NCOR2: variants seen among roughly 807,000 people sequenced by gnomAD.
NCOR2 encodes CTG repeat protein 26.
Under a neutral mutation model 262.9 loss-of-function variants are expected in NCOR2, and 81 were observed. The observed-to-expected ratio is 0.31, with a 90% confidence interval of 0.26 to 0.37. The LOEUF (loss-of-function observed/expected upper bound fraction) is 0.37. Ranked by LOEUF, NCOR2 falls within the 10% of genes least tolerant of loss-of-function variation. NCOR2 has a pLI of 1.00. For missense variants in NCOR2, 3,385 were observed against 3,621.4 expected (o/e 0.93, Z 1.68); for synonymous variants, 1,659 against 1,559.3 (o/e 1.06, Z -1.51).
exon 34 of NCOR2, chr12:124,342,030 A>T: frequency 6.2e-7 from 1 of 1,612,234 alleles, no homozygotes; most frequent in Non-Finnish European, 8.5e-7. Context: ...AGGTGCGGGT[A>T]GGTGGGGTTG....
intron 1 of NCOR2, among the ~76,000 whole-genome samples, chr12:124,529,008 C>T (rs982477623): frequency 1.3e-5 from 2 of 152,008 alleles, no homozygotes; most frequent in African/African-American, 4.8e-5. Context: ...AGAGAAACCC[C>T]GTCTCTACTA....
At chr12:124,515,498 AG>A (rs766962833) in intron 1 of NCOR2, among the ~76,000 whole-genome samples, 5 of 152,174 alleles carry the variant, frequency 3.3e-5, no homozygotes, top group Non-Finnish European at 7.3e-5. Context: ...TATCATAACT[AG>A]GAAGGCAGCA....
exon 11 of NCOR2, chr12:124,426,753 C>T: frequency 6.2e-7 from 1 of 1,604,346 alleles, no homozygotes; most frequent in Non-Finnish European, 8.5e-7. Flanking sequence ...CAGCGTCGTA[C>T]AGCATGGGCG....
At chr12:124,363,752 C>G (rs756016942) in exon 21 of NCOR2, 2 of 1,386,190 alleles carry the variant, frequency 1.4e-6, no homozygotes, top group Admixed American at 5.6e-5. Context: ...GGCATTGGCC[C>G]GGGGGTCGCC....
intron 31 of NCOR2, 125 bp from the exon 34 acceptor site, chr12:124,345,076 A>G: frequency 1.1e-6 from 1 of 871,534 alleles, no homozygotes; most frequent in Non-Finnish European, 1.7e-6. Flanking sequence ...ATGCCTCCAG[A>G]GGCAGGGAGA....
At chr12:124,563,863 C>T (rs1001171307) in intron 1 of NCOR2, among the ~76,000 whole-genome samples, 2 of 152,220 alleles carry the variant, frequency 1.3e-5, no homozygotes, top group Admixed American at 6.5e-5. Context: ...ATATCCTCTA[C>T]GGCAGCTTTG....
chr12:124,336,486 A>T, intron 38 of NCOR2: 1 of 669,102 alleles, frequency 1.5e-6, no homozygotes, highest in Non-Finnish European at 2.1e-6. Context: ...CGGCCGGAGT[A>T]GTCGTCAGCG....
At position 124,457,328 on chromosome 12, in the gene NCOR2, T is replaced by A. The variant is rs1243518283; in HGVS notation, c.706-166A>T. Among the ~76,000 whole-genome samples, 5 of 150,346 alleles carry A rather than the reference T, an allele frequency of 3.3e-5. No homozygotes were observed. The highest frequency in any genetic ancestry group is 3.0e-5 in the Non-Finnish European group (2 of 67,566). On this transcript the variant is annotated intron_variant, in intron 5 of 46. Coordinates refer to ENST00000405201, the Ensembl canonical transcript of NCOR2. The surrounding 1 kb of genome is among the most constrained non-coding windows in gnomAD (Gnocchi z 4.0). Reference sequence around the variant, plus strand: ...GGCCCCCTGCAGGCCCTCCCCACGCTGGAAAAAAACACAGAGGAGCCTCAA... The same window carrying A: ...GGCCCCCTGCAGGCCCTCCCCACGCAGGAAAAAAACACAGAGGAGCCTCAA...
In NCOR2 at chr12:124,368,347, C is replaced by T. The variant is rs115429921; in HGVS notation, c.2807+3675G>A. ...ACATGCTGGGCCTGCAACAGTACAT[C>T]CCCTCTCCACCCAGCCCTTGCCTCA... On this transcript the variant is annotated intron_variant, in intron 20 of 46. Coordinates refer to ENST00000405201, the Ensembl canonical transcript of NCOR2. 5.9e-3 allele frequency among the ~76,000 whole-genome samples: 902 copies of T among 152,286 alleles called. 10 individuals are homozygous for T. The highest frequency in any genetic ancestry group is 0.021 in the African/African-American group (863 of 41,544).
Position 124,495,022 on chromosome 12 carries a change from T to C in NCOR2, c.105+125A>G. 1 of 1,231,928 alleles carries C rather than the reference T, an allele frequency of 8.1e-7. No individual in the cohort carries two copies. The highest frequency in any genetic ancestry group is 1.5e-5 in the South Asian group (1 of 67,694). The allele number at this position is 1,231,928 out of a possible 1,614,324, so 76.3% of individuals were successfully genotyped here. A position where few individuals can be genotyped will look rare whatever the true frequency, so the allele number is the denominator to read the frequency against. On this transcript the variant is annotated intron_variant, in intron 1 of 46. Transcript: ENST00000405201. This position sits in a 1 kb window ranked among gnomAD's most constrained non-coding sequence, Gnocchi z 4.4. ...CAGGGGTCTCTGTGGCGGCCTCCCC[T>C]CTGCCCTGGGAGGCTCAGAGCCACA...
intron 1 of NCOR2, among the ~76,000 whole-genome samples, chr12:124,529,092 T>C (rs1269909663): frequency 2.7e-5 from 4 of 146,500 alleles, no homozygotes; most frequent in African/African-American, 1.0e-4. Flanking sequence ...GGCAGGAGAA[T>C]TGCTTGAACC....
rs547922852 is a variant in NCOR2 at position 124,386,969 on chromosome 12, C to T, written c.1877-1082G>A. Among the ~76,000 whole-genome samples the T allele has an allele frequency of 2.6e-5, 4 of 152,344 alleles. No individual in the cohort carries two copies. In the South Asian group the frequency reaches 8.3e-4, roughly 32 times the overall value. On this transcript the variant is annotated intron_variant, in intron 16 of 46. Coordinates refer to ENST00000405201, the Ensembl canonical transcript of NCOR2. ...AGTGCTCCTGACCTAGGGGTCTGTGCGGCAAGAGGGTGCCCCTCCAGGGCA... is the reference window on the plus strand; with the variant it reads ...AGTGCTCCTGACCTAGGGGTCTGTGTGGCAAGAGGGTGCCCCTCCAGGGCA...
At position 124,336,867 on chromosome 12, in the gene NCOR2, G is replaced by A. The variant is rs2230944; in HGVS notation, c.6001C>T (p.Pro2001Ser). 0.046 allele frequency: 73,602 copies of A among 1,611,108 alleles called. 2,192 individuals carry two copies. The highest frequency in any genetic ancestry group is 0.12 in the South Asian group (11,274 of 90,920). ...GGCGGGTCCGGGCTGGCGTGGTGAGGTGCGAGGTTCTTCGCAGGGGTGCGG... is the reference window on the plus strand; with the variant it reads ...GGCGGGTCCGGGCTGGCGTGGTGAGATGCGAGGTTCTTCGCAGGGGTGCGG... Residue 2001 changes from proline (P) to serine (S), a missense_variant, in exon 38 of 47, where the codon CCT becomes TCT. By Grantham distance (74) the Pro-to-Ser change is moderately conservative. Around this residue, in one of 5 missense-constraint regions of NCOR2, gnomAD observed 1,017 missense variants for 967.2 expected, o/e 1.05. Coordinates refer to ENST00000405201, the Ensembl canonical transcript of NCOR2.
Position 124,354,350 on chromosome 12 carries a change from CA to C in NCOR2, c.3589+127del, listed in dbSNP as rs978097465. 1.4e-5 allele frequency: 16 copies of C among 1,139,854 alleles called. No homozygotes were observed. In the Admixed American group the frequency reaches 3.0e-4, roughly 22 times the overall value. The allele number at this position is 1,139,854 out of a possible 1,614,324, so 70.6% of individuals were successfully genotyped here. A position where few individuals can be genotyped will look rare whatever the true frequency, so the allele number is the denominator to read the frequency against. On this transcript the variant is annotated intron_variant, in intron 26 of 46. Coordinates refer to ENST00000405201, the Ensembl canonical transcript of NCOR2. ...CCCTACCCCTAAATGGTGAGGGAGA[CA>C]GCTGTGAAGAGGGGCCCCCAGACCC... is the stretch of plus-strand genomic sequence containing the variant.
At chr12:124,342,933 G>T in intron 33 of NCOR2, 72 bp downstream of exon 35, 1 of 1,528,286 alleles carries the variant, frequency 6.5e-7, no homozygotes. Flanking sequence ...AGGAGTCCCT[G>T]AGCGAACACT....
intron 32 of NCOR2, among the ~76,000 whole-genome samples, chr12:124,343,770 G>A (rs938519357): frequency 1.3e-5 from 2 of 152,078 alleles, no homozygotes; most frequent in Non-Finnish European, 2.9e-5. Context: ...GGGAATACAG[G>A]TGCGTACCAC....
upstream of NCOR2, among the ~76,000 whole-genome samples, chr12:124,499,296 T>C (rs1315597870): frequency 6.6e-6 from 1 of 150,982 alleles, no homozygotes; most frequent in Admixed American, 6.6e-5. Context: ...CGCCGCTGCG[T>C]CTGGCTGCGG....
At chr12:124,376,449 T>C (rs1179631077) in intron 18 of NCOR2, among the ~76,000 whole-genome samples, 1 of 152,230 alleles carries the variant, frequency 6.6e-6, no homozygotes. Flanking sequence ...ACTGGGTTTC[T>C]GCTCCCGGGG....
chr12:124,372,274 G>T, exon 20 of NCOR2: 1 of 1,566,840 alleles, frequency 6.4e-7, no homozygotes. Flanking sequence ...TGTGTCCACT[G>T]CCAGCTCCTC....
Sources: allele counts gnomAD v4.1 joint callset (sites outside exome capture counted in the v4.1 genomes callset), GRCh38; gene constraint gnomAD v4.1.1; regional missense constraint gnomAD v4.1.1; non-coding constraint Gnocchi (gnomAD v3.1); transcripts MANE v1.5; gene names NCBI Gene and HGNC (gene_info 2026-07-23, HGNC 2026-07-21).